The following SRBD1 variants were observed in gnomAD, a reference collection of about 807,000 sequenced individuals.
SRBD1 encodes the protein S1 RNA-binding domain-containing protein 1.
Under a neutral mutation model 115.3 loss-of-function variants are expected in SRBD1, and 88 were observed. The ratio of observed to expected loss-of-function variants is 0.76; its 90% CI spans 0.64 to 0.91. SRBD1 has a LOEUF of 0.91. Ranked by LOEUF, SRBD1 falls within the 40% of genes least tolerant of loss-of-function variation. The pLI is 0.00. For synonymous variants in SRBD1, 509 were observed against 407.7 expected (o/e 1.25, Z -2.99); for missense variants, 1,385 against 1,177.4 (o/e 1.18, Z -2.58).
intron 14 of SRBD1, among the ~76,000 whole-genome samples, chr2:45,509,643 A>ACACACACACACACG (rs1670907080): frequency 6.6e-6 from 1 of 150,638 alleles, no homozygotes; most frequent in Non-Finnish European, 1.5e-5. Flanking sequence ...ACACACACAC[A>ACACACACACACACG]CACGCAAAGA....
At chr2:45,515,446 G>A (rs578147831) in intron 14 of SRBD1, among the ~76,000 whole-genome samples, 94 of 152,234 alleles carry the variant, frequency 6.2e-4, no homozygotes, top group Middle Eastern at 3.4e-3. Context: ...TCAGTACAGC[G>A]TAGATATCTT....
chr2:45,558,619 G>A (rs755056228), intron 10 of SRBD1, among the ~76,000 whole-genome samples: 5 of 149,572 alleles, frequency 3.3e-5, no homozygotes, highest in Non-Finnish European at 7.4e-5. Context: ...CTATTACATA[G>A]TTCTTAATAT....
intron 5 of SRBD1, 50 bp downstream of exon 5, chr2:45,585,558 C>T: frequency 6.4e-7 from 1 of 1,557,824 alleles, no homozygotes; most frequent in South Asian, 1.2e-5. Context: ...CACTGTTCCT[C>T]ATTGGCCTTT....
intron 14 of SRBD1, among the ~76,000 whole-genome samples, chr2:45,503,761 G>C (rs577257504): frequency 6.6e-6 from 1 of 152,196 alleles, no homozygotes; most frequent in East Asian, 1.9e-4. Flanking sequence ...CATTTCCAAG[G>C]TGAAACCCAA....
intron 15 of SRBD1, among the ~76,000 whole-genome samples, chr2:45,478,896 T>G (rs148042123): frequency 1.3e-5 from 2 of 152,180 alleles, no homozygotes; most frequent in East Asian, 3.8e-4. Context: ...AGTTGGAAAT[T>G]TGCGGCAACC....
rs149995742 is a variant in SRBD1 at position 45,585,645 on chromosome 2, A to G, written c.778T>C (p.Ser260Pro). The change falls in exon 5 of 21, where the codon TCC (serine) becomes CCC (proline). Residue 260 changes from serine (S) to proline (P), a missense_variant. By Grantham distance (74) the Ser-to-Pro change is moderately conservative. Transcript: ENST00000263736. The part of the protein sequence containing the change: ...KELINNLDAD[S>P]LREVQQTLEE... The stretch of plus-strand genomic sequence containing the variant: ...AGGGTTTGCTGAACTTCTCTCAAGG[A>G]ATCAGCATCAAGGTTATTAATGAGC... 1 of 1,611,682 alleles carries G rather than the reference A, an allele frequency of 6.2e-7. No homozygotes were observed. Among genetic ancestry groups the G allele is most frequent in the Non-Finnish European group, 8.5e-7 (1 of 1,179,368 alleles).
chr2:45,446,550 G>C lies in SRBD1; in HGVS notation c.2050-26656C>G, dbSNP rs146965758. Reference sequence around the variant, plus strand: ...TCTGAGTTTTCAAGTGTGAAGTCTGGTCCTAACAGTCCAATATTGAATAAG... The same window carrying C: ...TCTGAGTTTTCAAGTGTGAAGTCTGCTCCTAACAGTCCAATATTGAATAAG... On this transcript the variant is annotated intron_variant, in intron 16 of 20. Transcript: ENST00000263736. 1.2e-4 allele frequency among the ~76,000 whole-genome samples: 18 copies of C among 152,138 alleles called. No individual in the cohort carries two copies. The East Asian group carries it at 3.1e-3, about 26-fold the overall frequency.
At chr2:45,546,360 G>A (rs1183355358) in intron 14 of SRBD1, 2 of 985,304 alleles carry the variant, frequency 2.0e-6, no homozygotes, top group South Asian at 4.7e-5. Context: ...AGGCTTCAAA[G>A]CTTTGGGAGA....
intron 20 of SRBD1, among the ~76,000 whole-genome samples, chr2:45,391,103 C>T (rs1666986056): frequency 6.6e-6 from 1 of 152,140 alleles, no homozygotes; most frequent in South Asian, 2.1e-4. Context: ...GGTCCAGCTG[C>T]TGCAGATTCC....
intron 19 of SRBD1, among the ~76,000 whole-genome samples, chr2:45,405,948 C>T (rs955685898): frequency 3.9e-5 from 6 of 152,026 alleles, no homozygotes; most frequent in South Asian, 2.1e-4. Context: ...GCCACAGCTT[C>T]TAGCTTTTCG....
chr2:45,573,292 G>A lies in SRBD1; in HGVS notation c.1220C>T (p.Ser407Leu), dbSNP rs1260363015. 1 of 1,611,960 alleles carries A rather than the reference G, an allele frequency of 6.2e-7. No homozygotes were observed. The highest frequency in any genetic ancestry group is 1.1e-5 in the South Asian group (1 of 90,732). ...AACATCTTTCTCATTTACCTTTTTT[G>A]AGGATACTTTTGCCAGAGATGACTG... ...CIQSSLAKVS[S>L]KKVNEKDVDK... The change falls in exon 9 of 21, where the codon TCA becomes TTA. Residue 407 changes from serine to leucine, a missense_variant. Coordinates refer to ENST00000263736, the MANE Select transcript of SRBD1 (RefSeq NM_018079.5).
chr2:45,495,480 C>T (rs1670426665), intron 14 of SRBD1, among the ~76,000 whole-genome samples: 1 of 152,206 alleles, frequency 6.6e-6, no homozygotes, highest in Non-Finnish European at 1.5e-5. Context: ...CTCACTCTCT[C>T]TCTCTCTTCC....
chr2:45,539,686 A>C (rs986716754), intron 14 of SRBD1, among the ~76,000 whole-genome samples: 4 of 152,204 alleles, frequency 2.6e-5, no homozygotes, highest in South Asian at 2.1e-4. Context: ...ATTTAATTTA[A>C]GTGATCCCAA....
chr2:45,517,698 G>A (rs955071607), intron 14 of SRBD1, among the ~76,000 whole-genome samples: 6 of 152,068 alleles, frequency 3.9e-5, no homozygotes, highest in African/African-American at 1.4e-4. Context: ...AACAATTTAT[G>A]TCTAGATAAT....
intron 9 of SRBD1, among the ~76,000 whole-genome samples, chr2:45,565,919 C>T (rs938968521): frequency 6.6e-6 from 1 of 152,210 alleles, no homozygotes; most frequent in Admixed American, 6.5e-5. Flanking sequence ...AGCCATCGCG[C>T]CTGGCCACAA....
At chr2:45,605,568 C>A in intron 1 of SRBD1, 127 bp from the exon 2 acceptor site, 2 of 846,250 alleles carry the variant, frequency 2.4e-6, no homozygotes, top group Non-Finnish European at 3.7e-6. Flanking sequence ...TGTTTATTCA[C>A]AAGCCCAAAC....
At chr2:45,451,846 T>C (rs190457344) in intron 16 of SRBD1, among the ~76,000 whole-genome samples, 1 of 151,960 alleles carries the variant, frequency 6.6e-6, no homozygotes, top group East Asian at 1.9e-4. Context: ...TTTTCTTTTA[T>C]ATAAATGAGA....
intron 14 of SRBD1, among the ~76,000 whole-genome samples, chr2:45,542,435 G>A (rs1671974680): frequency 6.6e-6 from 1 of 152,176 alleles, no homozygotes; most frequent in Non-Finnish European, 1.5e-5. Flanking sequence ...CAGGAGCATG[G>A]GGCTCCTCTG....
Position 45,603,670 on chromosome 2 carries a change from T to C in SRBD1, c.81-1587A>G, listed in dbSNP as rs1292244452. ...TCAGTCCCCCAGGTAGCTGGGATTA[T>C]AGGCACGTGCCACCATGCCTGGCTA... On this transcript the variant is annotated intron_variant, in intron 2 of 20. Coordinates refer to ENST00000263736, the MANE Select transcript of SRBD1 (RefSeq NM_018079.5). 4.1e-4 allele frequency among the ~76,000 whole-genome samples: 63 copies of C among 152,160 alleles called. 1 individual carries two copies. Among genetic ancestry groups the C allele is most frequent in the Admixed American group, 4.1e-3 (63 of 15,274 alleles).
Sources: gnomAD v4.1 joint callset for allele counts (sites outside exome capture counted in the v4.1 genomes callset) on GRCh38, gnomAD v4.1.1 for gene constraint, MANE v1.5 for transcripts, NCBI Gene and HGNC (gene_info 2026-07-23, HGNC 2026-07-21) for gene names.